Variants in CEMIP observed in about 807,000 individuals in gnomAD.
The protein encoded by CEMIP is cell migration inducing hyaluronidase 1, also known as cell migration-inducing and hyaluronan-binding protein.
A neutral mutation model predicts 156.9 loss-of-function variants in CEMIP; 105 were observed. The observed-to-expected ratio is 0.67, with a 90% confidence interval of 0.57 to 0.79. CEMIP has a LOEUF of 0.79. CEMIP is among the 30% of genes least tolerant of loss of function. CEMIP has a pLI of 0.00. For synonymous variants in CEMIP, 676 were observed against 668.4 expected (o/e 1.01, Z -0.17); for missense variants, 1,457 against 1,769.4 (o/e 0.82, Z 3.17).
rs1204330430 is a variant in CEMIP, at chr15:80,949,993, A to C, written c.*1069A>C. On this transcript the variant is annotated 3_prime_UTR_variant, in exon 30 of 30. Coordinates refer to ENST00000394685, the MANE Select transcript of CEMIP (RefSeq NM_001293298.2). ...GGAGAAGTGTGGTCAGAGGGGAGCA[A>C]TGGGCTTTGCTGCTTATGAGCACAG... 6.6e-6 allele frequency: 1 copy of C among 151,984 alleles called. No homozygotes were observed. Among genetic ancestry groups the C allele is most frequent in the African/African-American group, 2.4e-5 (1 of 41,364 alleles). 9.4% of individuals were successfully genotyped at this position (151,984 alleles called of 1,614,324 possible). A position where few individuals can be genotyped will look rare whatever the true frequency, so the allele number is the denominator to read the frequency against.
chr15:80,924,830 G>A (rs1441735695), intron 18 of CEMIP, 124 bp downstream of exon 18: 17 of 879,366 alleles, frequency 1.9e-5, no homozygotes, highest in Non-Finnish European at 3.2e-5. Context: ...GCTGGGCTTT[G>A]AGCTAGTTGC....
chr15:80,948,434 C>A, intron 29 of CEMIP: 1 of 355,212 alleles, frequency 2.8e-6, no homozygotes, highest in Non-Finnish European at 5.5e-6. Flanking sequence ...CACTGGGCTT[C>A]AGAGAGGGGC....
intron 7 of CEMIP, among the ~76,000 whole-genome samples, chr15:80,886,137 G>C (rs183959440): frequency 2.0e-5 from 3 of 152,324 alleles, no homozygotes; most frequent in Admixed American, 2.0e-4. Context: ...GAGAGCAAGA[G>C]AGTGGGCAAG....
chr15:80,838,949 C>A (rs1567064502), intron 1 of CEMIP, among the ~76,000 whole-genome samples: 1 of 152,182 alleles, frequency 6.6e-6, no homozygotes, highest in Non-Finnish European at 1.5e-5. Flanking sequence ...GCGCTCCGTG[C>A]ATGTTTGGTG....
chr15:80,797,930 A>G (rs1484283305), intron 1 of CEMIP, among the ~76,000 whole-genome samples: 2 of 152,192 alleles, frequency 1.3e-5, no homozygotes, highest in Non-Finnish European at 2.9e-5. Flanking sequence ...CATTACACAA[A>G]CATTTGGGTC....
At chr15:80,920,021 G>A (rs1900413170) in intron 14 of CEMIP, 73 bp from the exon 15 acceptor site, 2 of 1,374,790 alleles carry the variant, frequency 1.5e-6, no homozygotes, top group Admixed American at 1.7e-5. Context: ...ACTATTTAGT[G>A]TTTGCTGAAT....
In CEMIP at chr15:80,949,602, C is replaced by T. The variant is rs1484338890; in HGVS notation, c.*678C>T. ...TGCATTTCACATGGTACCTGGAACC[C>T]AACAGTTCATGGATATCCACTGATA... On this transcript the variant is annotated 3_prime_UTR_variant, in exon 30 of 30. Transcript: ENST00000394685. 1 of 164,558 alleles carries T rather than the reference C, an allele frequency of 6.1e-6. No homozygotes were observed. The highest frequency in any genetic ancestry group is 1.3e-5 in the Non-Finnish European group (1 of 74,218). 10.2% of individuals were successfully genotyped at this position (164,558 alleles called of 1,614,324 possible).
chr15:80,911,612 G>A (rs181967223), intron 14 of CEMIP, among the ~76,000 whole-genome samples: 1 of 152,260 alleles, frequency 6.6e-6, no homozygotes, highest in East Asian at 1.9e-4. Flanking sequence ...GTGACCACTG[G>A]CAAGCTACTT....
At chr15:80,825,603 C>G (rs916723078) in intron 1 of CEMIP, among the ~76,000 whole-genome samples, 6 of 152,228 alleles carry the variant, frequency 3.9e-5, no homozygotes, top group African/African-American at 7.2e-5. Context: ...GGCCATGGTT[C>G]AAACAAGTAA....
intron 3 of CEMIP, 142 bp from the exon 4 acceptor site, chr15:80,878,579 A>G: frequency 1.9e-6 from 2 of 1,040,108 alleles, no homozygotes; most frequent in Non-Finnish European, 1.4e-6. Flanking sequence ...GAGGTCTCTC[A>G]GCTCTCTAAG....
intron 1 of CEMIP, among the ~76,000 whole-genome samples, chr15:80,870,338 A>T (rs1347848848): frequency 6.6e-6 from 1 of 151,830 alleles, no homozygotes; most frequent in Admixed American, 6.6e-5. Context: ...GCTTAAACTG[A>T]CCCTTTCTCT....
At chr15:80,889,344 C>G in intron 9 of CEMIP, 127 bp from the exon 10 acceptor site, 2 of 1,322,880 alleles carry the variant, frequency 1.5e-6, no homozygotes, top group Non-Finnish European at 2.2e-6. Flanking sequence ...CATGCCCCAG[C>G]CTGGTGCAAC....
intron 1 of CEMIP, among the ~76,000 whole-genome samples, chr15:80,836,403 C>T (rs1028210935): frequency 1.3e-5 from 2 of 152,230 alleles, no homozygotes; most frequent in African/African-American, 4.8e-5. Flanking sequence ...CAGTGTCTGG[C>T]ATCCCTGCGG....
intron 6 of CEMIP, among the ~76,000 whole-genome samples, chr15:80,882,384 T>C (rs1596155868): frequency 1.3e-5 from 2 of 152,258 alleles, no homozygotes; most frequent in Middle Eastern, 3.4e-3. Context: ...AGTCACAAGG[T>C]TGGAAAGTGT....
rs1018907980 is a variant in CEMIP at position 80,931,927 on chromosome 15, A to G, written c.2681A>G (p.Lys894Arg). The change falls in exon 22 of 30, where the codon AAG becomes AGG. Residue 894 changes from lysine to arginine, a missense_variant. This residue lies in a region of CEMIP where 798 missense variants were observed against 980.1 expected (regional missense o/e 0.81). Transcript: ENST00000394685. ...PINIQNCTFR[K>R]FVALEGRHTS... is the part of the protein sequence containing the mutation. The stretch of plus-strand genomic sequence containing the variant: ...AACATCCAAAACTGCACTTTCCGAA[A>G]GTTTGTGGCCCTGGAGGGCCGGCAC... 6.2e-7 allele frequency: 1 copy of G among 1,614,124 alleles called. No individual in the cohort carries two copies. The highest frequency in any genetic ancestry group is 1.3e-5 in the African/African-American group (1 of 74,928).
chr15:80,853,217 G>A (rs1318646421), intron 1 of CEMIP, among the ~76,000 whole-genome samples: 1 of 152,198 alleles, frequency 6.6e-6, no homozygotes, highest in Non-Finnish European at 1.5e-5. Context: ...TTGGTTGCAA[G>A]TAAGAGAAAC....
intron 1 of CEMIP, among the ~76,000 whole-genome samples, chr15:80,853,578 G>T (rs1442773473): frequency 6.6e-6 from 1 of 152,144 alleles, no homozygotes; most frequent in African/African-American, 2.4e-5. Context: ...CCTAAGAAGG[G>T]AATTGACCCA....
chr15:80,895,516 A>G (rs1167811147), intron 11 of CEMIP, among the ~76,000 whole-genome samples: 2 of 152,190 alleles, frequency 1.3e-5, no homozygotes, highest in African/African-American at 2.4e-5. Context: ...GTCATTAGGA[A>G]TGAAAGTTTA....
chr15:80,823,985 C>G (rs1368763231), intron 1 of CEMIP, among the ~76,000 whole-genome samples: 1 of 152,184 alleles, frequency 6.6e-6, no homozygotes, highest in Non-Finnish European at 1.5e-5. Flanking sequence ...AAGACCCCAG[C>G]ACAGCATCAA....
Sources: gnomAD v4.1 joint callset for allele counts (sites outside exome capture counted in the v4.1 genomes callset) on GRCh38, gnomAD v4.1.1 for gene constraint, gnomAD v4.1.1 regional missense constraint, MANE v1.5 for transcripts, NCBI Gene and HGNC (gene_info 2026-07-23, HGNC 2026-07-21) for gene names.